SIK3: variants seen among roughly 807,000 people sequenced by gnomAD.
SIK3 encodes the protein serine/threonine-protein kinase SIK3.
SIK3 carries 28 observed loss-of-function variants against 144.2 expected under a neutral mutation model. That is an observed-to-expected ratio of 0.19 (90% confidence interval 0.14 to 0.27). The LOEUF is 0.27. Ranked by LOEUF, SIK3 falls within the 10% of genes least tolerant of loss-of-function variation. SIK3 has a pLI of 1.00. For synonymous variants in SIK3, 686 were observed against 676.3 expected, an observed-to-expected ratio of 1.01 and a Z score of -0.22; for missense variants, 1,319 against 1,776.0, an observed-to-expected ratio of 0.74 and a Z score of 4.62.
At chr11:116,983,445 G>A (rs959149471) in intron 1 of SIK3, among the ~76,000 whole-genome samples, 2 of 151,524 alleles carry the variant, frequency 1.3e-5, no homozygotes, top group African/African-American at 4.9e-5. Context: ...CAAGAGAATC[G>A]CTTGAACCCA....
intron 5 of SIK3, 126 bp from the exon 6 acceptor site, chr11:116,896,502 TC>T (rs1308659336): frequency 2.0e-6 from 2 of 1,003,996 alleles, no homozygotes; most frequent in Non-Finnish European, 2.8e-6. Context: ...TTTTCTTCCA[TC>T]TTAGAACAGT....
At chr11:117,055,849 T>C (rs540250895) in intron 1 of SIK3, among the ~76,000 whole-genome samples, 2 of 152,364 alleles carry the variant, frequency 1.3e-5, no homozygotes, top group South Asian at 2.1e-4. Flanking sequence ...CTTTTTGCCC[T>C]TCTGCCTTCT....
At chr11:117,057,312 G>C (rs188537294) in intron 1 of SIK3, among the ~76,000 whole-genome samples, 58 of 152,266 alleles carry the variant, frequency 3.8e-4, no homozygotes, top group African/African-American at 1.3e-3. Flanking sequence ...TTCTTACGAA[G>C]TACATAAATT....
intron 4 of SIK3, among the ~76,000 whole-genome samples, chr11:116,923,977 A>G (rs1565457226): frequency 6.6e-6 from 1 of 152,214 alleles, no homozygotes; most frequent in East Asian, 1.9e-4. Flanking sequence ...TGTAAAAACT[A>G]AAGGATATAA....
chr11:116,856,013 C>T (rs1040287502), intron 21 of SIK3, among the ~76,000 whole-genome samples: 3 of 151,874 alleles, frequency 2.0e-5, no homozygotes, highest in East Asian at 1.9e-4. Context: ...CTGGCTAACA[C>T]GGTGAAACCC....
chr11:117,007,584 C>T (rs759864610), intron 1 of SIK3, among the ~76,000 whole-genome samples: 25 of 152,172 alleles, frequency 1.6e-4, no homozygotes, highest in African/African-American at 5.8e-4. Flanking sequence ...CAATCACAAG[C>T]GTTTGTGTTA....
intron 1 of SIK3, 125 bp from the exon 2 acceptor site, chr11:116,957,189 TGTC>T: frequency 7.6e-6 from 4 of 525,712 alleles, no homozygotes; most frequent in Non-Finnish European, 1.3e-5. Flanking sequence ...GTTTACAGAA[TGTC>T]AATGAGGAAA....
chr11:116,995,817 T>C (rs893503425), intron 1 of SIK3, among the ~76,000 whole-genome samples: 1 of 152,150 alleles, frequency 6.6e-6, no homozygotes. Flanking sequence ...GTGTACACTT[T>C]GATAAGCCTT....
At chr11:116,953,390 AAC>A (rs1245447400) in intron 3 of SIK3, among the ~76,000 whole-genome samples, 1 of 152,202 alleles carries the variant, frequency 6.6e-6, no homozygotes. Flanking sequence ...TTTACCCTTT[AAC>A]TCTACTTGGC....
chr11:116,986,829 T>A lies in SIK3; in HGVS notation c.274-29765A>T, dbSNP rs182235779. Among the ~76,000 whole-genome samples, 198 of 152,280 alleles carry A rather than the reference T, an allele frequency of 1.3e-3. 2 individuals are homozygous for A. The highest frequency in any genetic ancestry group is 4.2e-3 in the African/African-American group (176 of 41,558). On this transcript the variant is annotated intron_variant, in intron 1 of 24. Coordinates refer to ENST00000445177, the MANE Select transcript of SIK3 (RefSeq NM_001366686.3). ...GGCTACCAGTTTTACTGGATTACTC[T>A]CCTCTTCATGTTCAACATCCATTTA...
intron 1 of SIK3, among the ~76,000 whole-genome samples, chr11:116,970,927 A>G (rs563233086): frequency 4.2e-4 from 64 of 152,216 alleles, no homozygotes; most frequent in Non-Finnish European, 1.8e-4. Context: ...GGTTACAGGC[A>G]TGAGTCACCA....
chr11:117,038,451 G>A (rs1382109744), intron 1 of SIK3, among the ~76,000 whole-genome samples: 4 of 150,804 alleles, frequency 2.7e-5, no homozygotes, highest in African/African-American at 9.8e-5. Context: ...CTGCCTCCCA[G>A]GTTCAAGCGA....
At chr11:117,032,166 C>T (rs929711291) in intron 1 of SIK3, among the ~76,000 whole-genome samples, 1 of 152,140 alleles carries the variant, frequency 6.6e-6, no homozygotes, top group African/African-American at 2.4e-5. Flanking sequence ...TGTATTTCTA[C>T]ACACAATTGA....
chr11:116,917,169 A>ACATACACACACACACAC lies in SIK3; in HGVS notation c.616+10049_616+10050insGTGTGTGTGTGTGTATG, dbSNP rs1306530721. Among the ~76,000 whole-genome samples the ACATACACACACACACAC allele has an allele frequency of 1.6e-4, 24 of 152,124 alleles. No individual in the cohort carries two copies. The East Asian group carries it at 4.5e-3, about 28-fold the overall frequency. On this transcript the variant is annotated intron_variant, in intron 4 of 24. Transcript: ENST00000445177. ...TAAAGACTCCCTCAGAATCAGAGTG[A>ACATACACACACACACAC]AGGAGCACTCTGGGTGATTCGTTAG... is the stretch of plus-strand genomic sequence containing the variant.
intron 1 of SIK3, among the ~76,000 whole-genome samples, chr11:117,057,046 G>C (rs10892067): frequency 0.08 from 12,222 of 152,288 alleles, 620 homozygotes; most frequent in African/African-American, 0.13. Flanking sequence ...AAACAACAGA[G>C]ATCTCCTGTA....
chr11:116,885,815 T>C (rs1440312596), intron 6 of SIK3, among the ~76,000 whole-genome samples: 1 of 152,224 alleles, frequency 6.6e-6, no homozygotes, highest in Non-Finnish European at 1.5e-5. Flanking sequence ...TTACTAGATG[T>C]GCATCTTGGG....
intron 1 of SIK3, among the ~76,000 whole-genome samples, chr11:117,062,402 C>A (rs1048313113): frequency 6.6e-6 from 1 of 152,130 alleles, no homozygotes; most frequent in Non-Finnish European, 1.5e-5. Context: ...AAATGGGCCA[C>A]AACGTGCATT....
At chr11:116,859,689 C>A in intron 19 of SIK3, 85 bp from the exon 20 acceptor site, 6 of 1,155,828 alleles carry the variant, frequency 5.2e-6, no homozygotes, top group Non-Finnish European at 7.5e-6. Context: ...AATACTCAGA[C>A]GACATACCAG....
At chr11:116,976,719 T>C (rs959283327) in intron 1 of SIK3, among the ~76,000 whole-genome samples, 4 of 152,340 alleles carry the variant, frequency 2.6e-5, no homozygotes, top group African/African-American at 7.2e-5. Context: ...CAGAACGCAG[T>C]TGTGGTGTTT....
Sources: gnomAD v4.1 joint callset for allele counts (sites outside exome capture counted in the v4.1 genomes callset) on GRCh38, gnomAD v4.1.1 for gene constraint, MANE v1.5 for transcripts, NCBI Gene and HGNC (gene_info 2026-07-23, HGNC 2026-07-21) for gene names.